Variants in KCNIP4 observed in about 807,000 individuals in gnomAD.
KCNIP4 encodes the protein Kv channel-interacting protein 4.
In KCNIP4, 12 loss-of-function variants were observed where a neutral mutation model predicts 34.0. The observed-to-expected ratio is 0.35, with a 90% CI of 0.23 to 0.57. The LOEUF is 0.57. Among genes scored for constraint, KCNIP4 ranks in the 20% least tolerant of loss-of-function variants. The pLI is 0.83. For synonymous variants in KCNIP4, 124 were observed against 102.2 expected (o/e 1.21, Z -1.29); for missense variants, 238 against 311.7 (o/e 0.76, Z 1.78).
chr4:21,477,483 A>AT (rs1487653451), intron 1 of KCNIP4, among the ~76,000 whole-genome samples: 21 of 152,192 alleles, frequency 1.4e-4, no homozygotes, highest in Non-Finnish European at 1.5e-4. Context: ...AGTCAACAGC[A>AT]TATCAATTAA....
At chr4:21,916,381 AG>A (rs1254328359) in intron 1 of KCNIP4, among the ~76,000 whole-genome samples, 7 of 152,184 alleles carry the variant, frequency 4.6e-5, no homozygotes, top group Admixed American at 3.3e-4. Context: ...TCTGAGGAAA[AG>A]GAAAAAGTCC....
At chr4:21,210,755 T>A (rs544761637) in intron 1 of KCNIP4, among the ~76,000 whole-genome samples, 1 of 152,164 alleles carries the variant, frequency 6.6e-6, no homozygotes, top group Non-Finnish European at 1.5e-5. Flanking sequence ...CAGATCCTAT[T>A]TTCTCAAATA....
chr4:20,963,197 C>T (rs1050644002), intron 1 of KCNIP4, among the ~76,000 whole-genome samples: 22 of 151,980 alleles, frequency 1.4e-4, no homozygotes, highest in African/African-American at 4.6e-4. Context: ...CATGGTGACA[C>T]ACGCCTGTAG....
At chr4:21,817,041 T>C (rs1314872947) in intron 1 of KCNIP4, among the ~76,000 whole-genome samples, 2 of 152,306 alleles carry the variant, frequency 1.3e-5, no homozygotes, top group Non-Finnish European at 2.9e-5. Flanking sequence ...ATTATTTTCA[T>C]GTCACTAATG....
chr4:21,722,606 T>G (rs929913242), intron 1 of KCNIP4, among the ~76,000 whole-genome samples: 1 of 152,162 alleles, frequency 6.6e-6, no homozygotes, highest in Admixed American at 6.6e-5. Flanking sequence ...GGGCAACCAC[T>G]AGAATTTTCA....
intron 1 of KCNIP4, among the ~76,000 whole-genome samples, chr4:21,537,098 C>T (rs1397464793): frequency 3.9e-5 from 6 of 152,054 alleles, no homozygotes; most frequent in Admixed American, 1.3e-4. Flanking sequence ...TCCCTGTGGC[C>T]ACACTTTACA....
At chr4:21,070,818 G>A (rs188023953) in intron 1 of KCNIP4, among the ~76,000 whole-genome samples, 175 of 151,544 alleles carry the variant, frequency 1.2e-3, no homozygotes, top group African/African-American at 4.1e-3. Context: ...TGGGACTATA[G>A]GCGCCGGCTA....
intron 1 of KCNIP4, among the ~76,000 whole-genome samples, chr4:21,479,816 C>A (rs17524672): frequency 0.13 from 18,948 of 151,376 alleles, 1,344 homozygotes; most frequent in South Asian, 0.22. Flanking sequence ...GTAAAATATA[C>A]AATAAAACTC....
At chr4:20,937,222 C>CTTTTTTTTTTTTTTTT (rs397992488) in intron 1 of KCNIP4, among the ~76,000 whole-genome samples, 23 of 45,530 alleles carry the variant, frequency 5.1e-4, no homozygotes, top group Non-Finnish European at 7.7e-4. Context: ...CCCAAGGAGT[C>CTTTTTTTTTTTTTTTT]TTTTTTTTTT....
chr4:21,124,117 A>AAT (rs1553941955), intron 1 of KCNIP4, among the ~76,000 whole-genome samples: 1 of 152,050 alleles, frequency 6.6e-6, no homozygotes, highest in Non-Finnish European at 1.5e-5. Context: ...CATTTTTAAA[A>AAT]ATATATATAT....
At chr4:21,685,612 A>C (rs922122847) in intron 1 of KCNIP4, among the ~76,000 whole-genome samples, 1 of 152,212 alleles carries the variant, frequency 6.6e-6, no homozygotes, top group Non-Finnish European at 1.5e-5. Flanking sequence ...AATCACTTGA[A>C]TAACTCAGGT....
At position 20,948,591 on chromosome 4, in the gene KCNIP4, G is replaced by A. The variant is rs971511974; in HGVS notation, c.62-65882C>T. Among the ~76,000 whole-genome samples the A allele has an allele frequency of 5.3e-5, 8 of 152,330 alleles. No homozygotes were observed. In the East Asian group the frequency reaches 1.4e-3, roughly 26 times the overall value. ...TCTGTGGGAAACAGGCTTTCTGCCT[G>A]GTGCAGCTTTGCTTAAGCACACCGT... On this transcript the variant is annotated intron_variant, in intron 1 of 8. Coordinates refer to ENST00000382152, the MANE Select transcript of KCNIP4 (RefSeq NM_025221.6).
At chr4:21,151,235 C>A (rs775753183) in intron 1 of KCNIP4, among the ~76,000 whole-genome samples, 1 of 151,944 alleles carries the variant, frequency 6.6e-6, no homozygotes, top group Non-Finnish European at 1.5e-5. Context: ...TATCATCAAT[C>A]GAGTCCTAAG....
chr4:20,802,101 ATATATATATGCTATATATATGC>A (rs200641591), intron 3 of KCNIP4, among the ~76,000 whole-genome samples: 5 of 118,286 alleles, frequency 4.2e-5, no homozygotes, highest in Non-Finnish European at 8.4e-5. Flanking sequence ...TACATATTGC[ATATATATATGCTATATATATGC>A]TATATATATG....
In KCNIP4 at chr4:20,926,321, G is replaced by A. The variant is rs552332350; in HGVS notation, c.62-43612C>T. 5.8e-4 allele frequency among the ~76,000 whole-genome samples: 88 copies of A among 152,334 alleles called. 1 individual carries two copies. The South Asian group carries it at 0.017, about 30-fold the overall frequency. ...TAAAGGAAAGTTTGACAGGTGAGAGGTGCAGGAATAGAATGCAACTTTTTA... is the reference window on the plus strand; with the variant it reads ...TAAAGGAAAGTTTGACAGGTGAGAGATGCAGGAATAGAATGCAACTTTTTA... On this transcript the variant is annotated intron_variant, in intron 1 of 8. Coordinates refer to ENST00000382152, the MANE Select transcript of KCNIP4 (RefSeq NM_025221.6).
chr4:20,791,671 T>C (rs1712774114), intron 3 of KCNIP4, among the ~76,000 whole-genome samples: 1 of 152,206 alleles, frequency 6.6e-6, no homozygotes, highest in Admixed American at 6.5e-5. Context: ...TTATAATTAA[T>C]GTGATGCTTA....
intron 1 of KCNIP4, among the ~76,000 whole-genome samples, chr4:20,935,815 T>C (rs1731003526): frequency 6.6e-6 from 1 of 152,096 alleles, no homozygotes; most frequent in South Asian, 2.1e-4. Flanking sequence ...CTTCTCCTAC[T>C]ACATCTATCC....
chr4:21,287,301 T>C (rs549761933), intron 1 of KCNIP4, among the ~76,000 whole-genome samples: 2 of 152,288 alleles, frequency 1.3e-5, no homozygotes, highest in East Asian at 3.9e-4. Context: ...AATAATACCA[T>C]GTACATTCCC....
chr4:21,106,503 T>G (rs1231070195), intron 1 of KCNIP4, among the ~76,000 whole-genome samples: 1 of 151,598 alleles, frequency 6.6e-6, no homozygotes, highest in South Asian at 2.1e-4. Flanking sequence ...TCTTTATTAG[T>G]CTTGCTAGCA....
Sources: gnomAD v4.1 joint callset for allele counts (sites outside exome capture counted in the v4.1 genomes callset) on GRCh38, gnomAD v4.1.1 for gene constraint, MANE v1.5 for transcripts, NCBI Gene and HGNC (gene_info 2026-07-23, HGNC 2026-07-21) for gene names.